CRISPLD2: variants seen among roughly 807,000 people sequenced by gnomAD.
The protein encoded by CRISPLD2 is cysteine rich secretory protein LCCL domain containing 2.
In CRISPLD2, 47 loss-of-function variants were observed where a neutral mutation model predicts 71.1. That is an observed-to-expected ratio of 0.66 (90% CI 0.52 to 0.84). CRISPLD2 has a LOEUF of 0.84. Among genes scored for constraint, CRISPLD2 ranks in the 40% least tolerant of loss-of-function variants. The pLI, the probability that CRISPLD2 is intolerant of heterozygous loss-of-function variation, is 0.00. For missense variants in CRISPLD2, 830 were observed against 651.1 expected, an observed-to-expected ratio of 1.27 and a Z score of -2.99; for synonymous variants, 317 against 250.1, an observed-to-expected ratio of 1.27 and a Z score of -2.52.
chr16:84,849,436 C>T lies in CRISPLD2; in HGVS notation c.411C>T (p.Asp137=), dbSNP rs746169819. 1 of 1,614,130 alleles carries T rather than the reference C, an allele frequency of 6.2e-7. No individual in the cohort carries two copies. The highest frequency in any genetic ancestry group is 8.5e-7 in the Non-Finnish European group (1 of 1,179,978). ...HVQSWYDEVK[D]YTYPYPSECN... The stretch of plus-strand genomic sequence containing the variant: ...AGTCCTGGTATGACGAGGTGAAGGA[C>T]TACACCTACCCCTACCCGAGCGAGT... Residue 137 remains aspartate (D), a synonymous_variant, in exon 4 of 15, where the codon GAC becomes GAT. Transcript: ENST00000262424.
chr16:84,875,384 A>T (rs1330201506), intron 11 of CRISPLD2, among the ~76,000 whole-genome samples: 1 of 149,886 alleles, frequency 6.7e-6, no homozygotes, highest in African/African-American at 2.5e-5. Flanking sequence ...CAAATTTGTA[A>T]ACATGAGAAA....
intron 12 of CRISPLD2, 112 bp from the exon 13 acceptor site, chr16:84,880,397 G>A (rs1056560644): frequency 1.5e-5 from 11 of 744,750 alleles, no homozygotes; most frequent in Admixed American, 9.4e-5. Context: ...ACTGTATGGC[G>A]GTTTCCTTTC....
intron 6 of CRISPLD2, among the ~76,000 whole-genome samples, chr16:84,863,388 C>G (rs1306582886): frequency 6.6e-6 from 1 of 152,204 alleles, no homozygotes; most frequent in Non-Finnish European, 1.5e-5. Context: ...AGCTTATCTG[C>G]AGAAGCTATT....
intron 7 of CRISPLD2, 122 bp downstream of exon 7, chr16:84,867,162 G>A (rs1200497433): frequency 2.0e-6 from 2 of 992,556 alleles, no homozygotes; most frequent in African/African-American, 1.6e-5. Context: ...GGCAAACAGG[G>A]TGCGGCGAAG....
At chr16:84,895,899 A>G (rs1008380531) in intron 14 of CRISPLD2, among the ~76,000 whole-genome samples, 4 of 152,276 alleles carry the variant, frequency 2.6e-5, no homozygotes, top group African/African-American at 9.6e-5. Context: ...CAGTTTACAG[A>G]TGGGGAAACT....
intron 14 of CRISPLD2, among the ~76,000 whole-genome samples, chr16:84,891,626 T>G (rs1185709720): frequency 2.2e-5 from 3 of 137,058 alleles, no homozygotes; most frequent in Non-Finnish European, 3.1e-5. Flanking sequence ...GTACCCTCTT[T>G]GAGAGAAAAC....
chr16:84,883,312 C>G (rs1309384117), intron 13 of CRISPLD2, among the ~76,000 whole-genome samples: 1 of 152,186 alleles, frequency 6.6e-6, no homozygotes, highest in Non-Finnish European at 1.5e-5. Context: ...TTCAAAGGGC[C>G]TGTTCCTGCC....
chr16:84,852,657 T>C (rs1917121920), intron 5 of CRISPLD2, among the ~76,000 whole-genome samples: 1 of 151,562 alleles, frequency 6.6e-6, no homozygotes, highest in Non-Finnish European at 1.5e-5. Flanking sequence ...GAGGGTGAGT[T>C]TGGGTGTGGG....
chr16:84,830,104 C>G (rs1047472117), intron 1 of CRISPLD2, among the ~76,000 whole-genome samples: 2 of 152,070 alleles, frequency 1.3e-5, no homozygotes, highest in African/African-American at 4.8e-5. Flanking sequence ...GGGAGGATCA[C>G]TTAAGCTCGG....
At chr16:84,882,735 T>C (rs1410830769) in intron 13 of CRISPLD2, among the ~76,000 whole-genome samples, 3 of 152,220 alleles carry the variant, frequency 2.0e-5, no homozygotes, top group Admixed American at 6.5e-5. Flanking sequence ...ACACATACTA[T>C]GTTTTAGGTC....
chr16:84,832,646 G>T (rs751506995), intron 1 of CRISPLD2, among the ~76,000 whole-genome samples: 3 of 152,272 alleles, frequency 2.0e-5, no homozygotes, highest in Non-Finnish European at 2.9e-5. Flanking sequence ...TCCCTGGCCT[G>T]GGCCAGTGAA....
At chr16:84,863,396 A>G (rs1004366923) in intron 6 of CRISPLD2, among the ~76,000 whole-genome samples, 6 of 152,192 alleles carry the variant, frequency 3.9e-5, no homozygotes, top group African/African-American at 7.2e-5. Flanking sequence ...TGCAGAAGCT[A>G]TTTACCAAGA....
intron 1 of CRISPLD2, among the ~76,000 whole-genome samples, chr16:84,833,741 G>A (rs1439115657): frequency 6.6e-6 from 1 of 152,178 alleles, no homozygotes; most frequent in Non-Finnish European, 1.5e-5. Context: ...GCGTGTTTGT[G>A]TTGGTGGAAC....
At chr16:84,844,320 C>G (rs755332085) in intron 2 of CRISPLD2, among the ~76,000 whole-genome samples, 13 of 152,206 alleles carry the variant, frequency 8.5e-5, no homozygotes, top group Non-Finnish European at 1.9e-4. Flanking sequence ...AAGCTGAAGA[C>G]GTCTCTTGTC....
In CRISPLD2 at chr16:84,831,521, C is replaced by T. The variant is rs191249867; in HGVS notation, c.-74-6901C>T. ...CGATCCTCCCGTCTCAGCCCCTCCACGAGTAGCTGGGACTACAGGCATGTG... is the reference window on the plus strand; with the variant it reads ...CGATCCTCCCGTCTCAGCCCCTCCATGAGTAGCTGGGACTACAGGCATGTG... On this transcript the variant is annotated intron_variant, in intron 1 of 14. Coordinates refer to ENST00000262424, the MANE Select transcript of CRISPLD2 (RefSeq NM_031476.4). 3.4e-4 allele frequency among the ~76,000 whole-genome samples: 51 copies of T among 151,656 alleles called. 1 individual carries two copies. In the East Asian group the frequency reaches 5.8e-3, roughly 17 times the overall value.
intron 14 of CRISPLD2, among the ~76,000 whole-genome samples, chr16:84,904,736 C>T (rs1011493093): frequency 6.6e-6 from 1 of 151,958 alleles, no homozygotes. Context: ...ACAAATGATG[C>T]AAGGGCAATT....
At chr16:84,822,853 T>C (rs112957274) in intron 1 of CRISPLD2, among the ~76,000 whole-genome samples, 5 of 152,320 alleles carry the variant, frequency 3.3e-5, no homozygotes, top group African/African-American at 1.2e-4. Context: ...CCTGAAAAGA[T>C]GTATTGTGGT....
chr16:84,853,678 T>C (rs1917152267), intron 5 of CRISPLD2, among the ~76,000 whole-genome samples: 1 of 152,216 alleles, frequency 6.6e-6, no homozygotes, highest in African/African-American at 2.4e-5. Context: ...CCTCCCCATC[T>C]TCCCTGGAAA....
chr16:84,906,367 G>A (rs1183130480), intron 14 of CRISPLD2, among the ~76,000 whole-genome samples: 3 of 152,174 alleles, frequency 2.0e-5, no homozygotes, highest in Non-Finnish European at 4.4e-5. Context: ...CCTTGACCTA[G>A]AATCAGATGG....
Sources: gnomAD v4.1 joint callset for allele counts (sites outside exome capture counted in the v4.1 genomes callset) on GRCh38, gnomAD v4.1.1 for gene constraint, MANE v1.5 for transcripts, NCBI Gene and HGNC (gene_info 2026-07-23, HGNC 2026-07-21) for gene names.